The following TUBGCP4 variants were observed in gnomAD, a reference collection of about 807,000 sequenced individuals.
TUBGCP4 encodes the protein gamma-tubulin complex component 4.
TUBGCP4 carries 54 observed loss-of-function variants against 91.6 expected under a neutral mutation model. The observed-to-expected ratio is 0.59, with a 90% CI of 0.47 to 0.74. The LOEUF (loss-of-function observed/expected upper bound fraction) is 0.74. Ranked by LOEUF, TUBGCP4 falls within the 30% of genes least tolerant of loss-of-function variation. The pLI is 0.00. For synonymous variants in TUBGCP4, 297 were observed against 302.8 expected, an observed-to-expected ratio of 0.98 and a Z score of 0.20; for missense variants, 593 against 800.9, an observed-to-expected ratio of 0.74 and a Z score of 3.13.
chr15:43,378,020 T>C, intron 5 of TUBGCP4, 117 bp downstream of exon 5: 1 of 752,566 alleles, frequency 1.3e-6, no homozygotes, highest in Non-Finnish European at 2.1e-6. Context: ...ATTTATTCAT[T>C]CATTTAACAA....
intron 5 of TUBGCP4, among the ~76,000 whole-genome samples, chr15:43,379,151 G>A (rs751905084): frequency 6.6e-6 from 1 of 152,140 alleles, no homozygotes; most frequent in African/African-American, 2.4e-5. Context: ...AAAATCAGGT[G>A]GTCAAAATTC....
chr15:43,398,770 C>A (rs754002416), intron 13 of TUBGCP4, among the ~76,000 whole-genome samples: 39 of 152,144 alleles, frequency 2.6e-4, no homozygotes, highest in Non-Finnish European at 4.6e-4. Context: ...GGATGTTAGC[C>A]ACTGGGGAGA....
At chr15:43,379,858 T>G (rs959332826) in intron 5 of TUBGCP4, among the ~76,000 whole-genome samples, 1 of 152,186 alleles carries the variant, frequency 6.6e-6, no homozygotes, top group Non-Finnish European at 1.5e-5. Context: ...GTGGAAACAC[T>G]GAGTGCTGGG....
At chr15:43,402,034 A>C in intron 15 of TUBGCP4, 184 bp downstream of exon 15, 1 of 653,282 alleles carries the variant, frequency 1.5e-6, no homozygotes, top group Non-Finnish European at 2.4e-6. Context: ...GCACTTTGGG[A>C]GGCCGAGGTG....
In TUBGCP4 at chr15:43,371,165, T is replaced by TC; in HGVS notation, c.-185dup. 1 of 626,894 alleles carries TC rather than the reference T, an allele frequency of 1.6e-6. No individual in the cohort carries two copies. Among genetic ancestry groups the TC allele is most frequent in the Non-Finnish European group, 2.8e-6 (1 of 353,766 alleles). The allele number at this position is 626,894 out of a possible 1,614,324, so 38.8% of individuals were successfully genotyped here. On this transcript the variant is annotated 5_prime_UTR_variant, in exon 1 of 18. Coordinates refer to ENST00000564079, the MANE Select transcript of TUBGCP4 (RefSeq NM_014444.5). The stretch of plus-strand genomic sequence containing the variant: ...CGTTGAGCTGCCGAACTTCCGGGAC[T>TC]CCCCCGCGACCCCTTCCCAGCTTCC...
At chr15:43,383,735 A>T (rs1294853905) in intron 7 of TUBGCP4, among the ~76,000 whole-genome samples, 1 of 151,980 alleles carries the variant, frequency 6.6e-6, no homozygotes, top group African/African-American at 2.4e-5. Flanking sequence ...AGAGATTATA[A>T]GTCTTACTTA....
At chr15:43,381,789 T>C (rs1388683959) in intron 6 of TUBGCP4, among the ~76,000 whole-genome samples, 1 of 152,130 alleles carries the variant, frequency 6.6e-6, no homozygotes, top group Non-Finnish European at 1.5e-5. Context: ...TTTCACCATT[T>C]GTTAACATTT....
chr15:43,386,485 G>A (rs2044375037), intron 9 of TUBGCP4, among the ~76,000 whole-genome samples, 155 bp downstream of exon 9: 1 of 143,178 alleles, frequency 7.0e-6, no homozygotes. Flanking sequence ...AACACTTTGG[G>A]AGGCCAAGGC....
chr15:43,379,978 C>G, intron 5 of TUBGCP4, 106 bp from the exon 6 acceptor site: 1 of 1,052,436 alleles, frequency 9.5e-7, no homozygotes, highest in Non-Finnish European at 1.5e-6. Context: ...AAGTTTATCC[C>G]CAGTCTCTCC....
In TUBGCP4 at chr15:43,409,546, A is replaced by G. The variant is rs2142943030; in HGVS notation, c.*4332A>G. ...TTCTCAGTTCCTGAAATCTCTGGCT[A>G]CTTTATCCAGGTTCCCCAACCCCTC... On this transcript the variant is annotated 3_prime_UTR_variant, in exon 18 of 18. Transcript: ENST00000564079. The G allele has an allele frequency of 1.7e-6, 1 of 583,100 alleles. No individual in the cohort carries two copies. The highest frequency in any genetic ancestry group is 3.0e-5 in the East Asian group (1 of 33,592). The allele number at this position is 583,100 out of a possible 1,614,324, so 36.1% of individuals were successfully genotyped here.
In TUBGCP4 at chr15:43,403,776, G is replaced by T. The variant is rs770105036; in HGVS notation, c.1825G>T (p.Ala609Ser). ...AGGCCCACTGGATGAGCGTGGAGCC[G>T]CCCAGCTGAGCATTCTCGTGAAGGT... ...NLGPLDERGA[A>S]QLSILVKGFS... Residue 609 changes from alanine (A) to serine (S), a missense_variant, in exon 16 of 18, where the codon GCC becomes TCC. Physicochemically the swap from Ala to Ser is moderately conservative, Grantham distance 99. Coordinates refer to ENST00000564079, the MANE Select transcript of TUBGCP4 (RefSeq NM_014444.5). 3 of 1,613,678 alleles carry T rather than the reference G, an allele frequency of 1.9e-6. No homozygotes were observed. The highest frequency in any genetic ancestry group is 2.5e-6 in the Non-Finnish European group (3 of 1,179,764).
chr15:43,392,188 G>A (rs1216738519), intron 9 of TUBGCP4, among the ~76,000 whole-genome samples: 5 of 141,638 alleles, frequency 3.5e-5, no homozygotes, highest in East Asian at 2.1e-4. Context: ...TTCTTCCTTC[G>A]TGTTTTTTTT....
rs886237680 is a variant in TUBGCP4 at position 43,379,651 on chromosome 15, A to C, written c.442-433A>C. On this transcript the variant is annotated intron_variant, in intron 5 of 17. Coordinates refer to ENST00000564079, the MANE Select transcript of TUBGCP4 (RefSeq NM_014444.5). The stretch of plus-strand genomic sequence containing the variant: ...GCAAGACTCCGTCTCAAAAAAAAAA[A>C]AAAAAAAAAAAGTCTGAAGAACATA... Among the ~76,000 whole-genome samples, 119 of 151,748 alleles carry C rather than the reference A, an allele frequency of 7.8e-4. 3 individuals carry two copies. Among genetic ancestry groups the C allele is most frequent in the African/African-American group, 2.8e-3 (115 of 41,378 alleles).
At chr15:43,401,891 C>G in intron 15 of TUBGCP4, 41 bp downstream of exon 15, 1 of 1,608,558 alleles carries the variant, frequency 6.2e-7, no homozygotes, top group Non-Finnish European at 8.5e-7. Flanking sequence ...GCTTCTACCA[C>G]TGACCATTCC....
chr15:43,406,857 C>G lies in TUBGCP4; in HGVS notation c.*1643C>G. 3.2e-6 allele frequency: 1 copy of G among 313,720 alleles called. No individual in the cohort carries two copies. The highest frequency in any genetic ancestry group is 6.2e-6 in the Non-Finnish European group (1 of 160,598). The allele number at this position is 313,720 out of a possible 1,614,324, so 19.4% of individuals were successfully genotyped here. ...TGGTCCTTTCGTTCTCCCTTTAGCTCTAAGAGTTGGGGAGTACCCACAGGT... is the reference window on the plus strand; with the variant it reads ...TGGTCCTTTCGTTCTCCCTTTAGCTGTAAGAGTTGGGGAGTACCCACAGGT... On this transcript the variant is annotated 3_prime_UTR_variant, in exon 18 of 18. Transcript: ENST00000564079.
At chr15:43,391,906 T>C (rs1243987474) in intron 9 of TUBGCP4, among the ~76,000 whole-genome samples, 1 of 151,926 alleles carries the variant, frequency 6.6e-6, no homozygotes, top group Non-Finnish European at 1.5e-5. Flanking sequence ...ACTACAAAAA[T>C]TAGCCAGGTG....
At chr15:43,385,454 A>G in intron 7 of TUBGCP4, 1 of 466,860 alleles carries the variant, frequency 2.1e-6, no homozygotes, top group Non-Finnish European at 4.2e-6. Context: ...ACCAGCAGAG[A>G]AGACATAGAG....
At chr15:43,377,973 C>A in intron 5 of TUBGCP4, 70 bp downstream of exon 5, 1 of 1,268,234 alleles carries the variant, frequency 7.9e-7, no homozygotes, top group Non-Finnish European at 1.1e-6. Context: ...TTTTGCTTTA[C>A]ATTATTTTTC....
At chr15:43,397,679 G>GT (rs1243703794) in intron 12 of TUBGCP4, among the ~76,000 whole-genome samples, 4 of 152,124 alleles carry the variant, frequency 2.6e-5, no homozygotes, top group Non-Finnish European at 5.9e-5. Context: ...AGTGTCCCCT[G>GT]TAAGCTTCTG....
Sources: allele counts gnomAD v4.1 joint callset (sites outside exome capture counted in the v4.1 genomes callset), GRCh38; gene constraint gnomAD v4.1.1; transcripts MANE v1.5; gene names NCBI Gene and HGNC (gene_info 2026-07-23, HGNC 2026-07-21).